Variants in DHX8 observed in about 807,000 individuals in gnomAD.
DHX8 encodes DEAH-box helicase 8, also known as ATP-dependent RNA helicase DHX8.
In DHX8, 67 loss-of-function variants were observed where a neutral mutation model predicts 140.7. That is an observed-to-expected ratio of 0.48 (90% CI 0.39 to 0.58). The LOEUF is 0.58. DHX8 is among the 20% of genes least tolerant of loss of function. The pLI is 0.00. For missense variants in DHX8, 887 were observed against 1,550.7 expected (o/e 0.57, Z 7.19); for synonymous variants, 533 against 553.2 (o/e 0.96, Z 0.51).
chr17:43,541,596 G>C (rs559688552), intron 3 of DHX8, among the ~76,000 whole-genome samples: 1 of 152,154 alleles, frequency 6.6e-6, no homozygotes, highest in Non-Finnish European at 1.5e-5. Flanking sequence ...GAAGAACTGA[G>C]AGGTTAAAAC....
At chr17:43,539,001 AT>A (rs1567713854) in intron 3 of DHX8, among the ~76,000 whole-genome samples, 1 of 152,048 alleles carries the variant, frequency 6.6e-6, no homozygotes, top group African/African-American at 2.4e-5. Context: ...AGGCTCCATC[AT>A]TTCTTACTTG....
intron 1 of DHX8, among the ~76,000 whole-genome samples, chr17:43,485,164 AG>A (rs1389576936): frequency 1.3e-5 from 2 of 152,212 alleles, no homozygotes; most frequent in African/African-American, 4.8e-5. Context: ...GCGAGGACAG[AG>A]AATACAGTTG....
intron 1 of DHX8, among the ~76,000 whole-genome samples, chr17:43,484,682 C>T (rs1312937658): frequency 6.6e-6 from 1 of 152,202 alleles, no homozygotes; most frequent in Non-Finnish European, 1.5e-5. Flanking sequence ...CGCTCTGTTT[C>T]CCGGGCTGGA....
intron 22 of DHX8, among the ~76,000 whole-genome samples, 157 bp downstream of exon 22, chr17:43,522,383 T>A (rs1290947556): frequency 6.6e-6 from 1 of 152,046 alleles, no homozygotes; most frequent in Non-Finnish European, 1.5e-5. Context: ...TTAGGCACAA[T>A]GTATCAAACC....
intron 11 of DHX8, among the ~76,000 whole-genome samples, chr17:43,501,733 C>T (rs552974600): frequency 2.3e-4 from 35 of 152,208 alleles, no homozygotes; most frequent in African/African-American, 8.2e-4. Flanking sequence ...GATCCCCCCC[C>T]CATCTCAGCC....
At chr17:43,499,576 C>A (rs915440611) in intron 10 of DHX8, among the ~76,000 whole-genome samples, 1 of 152,144 alleles carries the variant, frequency 6.6e-6, no homozygotes, top group Non-Finnish European at 1.5e-5. Context: ...TGGATCTGAT[C>A]GCTAGTTCTT....
At chr17:43,508,242 GTTCTGTTAT>G in intron 15 of DHX8, 88 bp from the exon 16 acceptor site, 1 of 1,478,296 alleles carries the variant, frequency 6.8e-7, no homozygotes, top group Non-Finnish European at 9.1e-7. Flanking sequence ...GAATGCATAT[GTTCTGTTAT>G]TTGAAGTTTT....
rs141163347 is a variant in DHX8 at position 43,494,140 on chromosome 17, G to A, written c.1212+254G>A. On this transcript the variant is annotated intron_variant, in intron 8 of 22. Transcript: ENST00000262415. ...GAAAGGCATATCTCACATGGCAGTAGACAAGAGAGCTTGTGCAGGGAAATG... is the reference window on the plus strand; with the variant it reads ...GAAAGGCATATCTCACATGGCAGTAAACAAGAGAGCTTGTGCAGGGAAATG... Among the ~76,000 whole-genome samples the A allele has an allele frequency of 3.5e-3, 533 of 152,304 alleles. 2 individuals carry two copies. Among genetic ancestry groups the A allele is most frequent in the Middle Eastern group, 0.02 (6 of 294 alleles).
downstream of DHX8, chr17:43,528,789 C>T (rs776677055): frequency 1.3e-6 from 2 of 1,533,814 alleles, no homozygotes; most frequent in East Asian, 2.3e-5. Context: ...GCCGCCCAGC[C>T]TTTGTATGGG....
In DHX8 at chr17:43,520,155, C is replaced by G. The variant is rs768188243; in HGVS notation, c.2825C>G (p.Ser942Cys). 1 of 1,614,020 alleles carries G rather than the reference C, an allele frequency of 6.2e-7. No individual in the cohort carries two copies. Among genetic ancestry groups the G allele is most frequent in the Non-Finnish European group, 8.5e-7 (1 of 1,180,016 alleles). The change falls in exon 19 of 23, where the codon TCC (serine) becomes TGC (cysteine). Residue 942 changes from serine (S) to cysteine (C), a missense_variant. Around this residue, in one of 9 missense-constraint regions of DHX8, gnomAD observed 151 missense variants for 388.3 expected, o/e 0.39. Transcript: ENST00000262415. ...GCCATGGGTATCAATGATCTGCTGT[C>G]CTTTGATTTCATGGATGCCCCACCT... is the stretch of plus-strand genomic sequence containing the variant. ...LKAMGINDLLSFDFMDAPPME... is the reference protein window; with the variant it reads ...LKAMGINDLLCFDFMDAPPME...
intron 2 of DHX8, chr17:43,536,294 C>A (rs145578703): frequency 5.7e-5 from 45 of 790,854 alleles, no homozygotes; most frequent in Non-Finnish European, 9.4e-5. Context: ...CCAGTTATTG[C>A]CTTGGTCTTT....
intron 1 of DHX8, among the ~76,000 whole-genome samples, chr17:43,485,363 T>G (rs964529319): frequency 2.0e-5 from 3 of 152,098 alleles, no homozygotes; most frequent in African/African-American, 7.2e-5. Context: ...TCTGAAGCTG[T>G]TTTTCTCATC....
At chr17:43,526,800 A>T, downstream of DHX8, 1 of 996,958 alleles carries the variant, frequency 1.0e-6, no homozygotes, top group Non-Finnish European at 1.4e-6. Context: ...ACCTGTTTTT[A>T]AAATTTTGTT....
At chr17:43,490,525 A>G (rs1191113096) in intron 3 of DHX8, 62 bp downstream of exon 3, 1 of 1,366,504 alleles carries the variant, frequency 7.3e-7, no homozygotes, top group Non-Finnish European at 1.0e-6. Context: ...ACATCCTGTA[A>G]ATTGCATTTG....
At chr17:43,493,379 G>A (rs1968652384) in intron 6 of DHX8, 66 bp from the exon 7 acceptor site, 1 of 1,583,498 alleles carries the variant, frequency 6.3e-7, no homozygotes. Context: ...GTTCCAGTAA[G>A]GGTAGAAATT....
chr17:43,544,190 C>G (rs1971675966), exon 4 of DHX8: 1 of 152,592 alleles, frequency 6.6e-6, no homozygotes, highest in South Asian at 2.1e-4. Context: ...CAGGCCCCAC[C>G]AAAACGCACT....
chr17:43,524,671 G>T lies in DHX8; in HGVS notation c.*824G>T. On this transcript the variant is annotated 3_prime_UTR_variant, in exon 23 of 23. Transcript: ENST00000262415. ...CCACCTCCCACATTCGCAATGTGCAGCATGTCCCATTTCCTTTTGAAACAT... is the reference window on the plus strand; with the variant it reads ...CCACCTCCCACATTCGCAATGTGCATCATGTCCCATTTCCTTTTGAAACAT... 1.0e-6 allele frequency: 1 copy of T among 985,442 alleles called. No individual in the cohort carries two copies. The highest frequency in any genetic ancestry group is 1.2e-6 in the Non-Finnish European group (1 of 829,944). The allele number at this position is 985,442 out of a possible 1,614,324, so 61.0% of individuals were successfully genotyped here.
intron 11 of DHX8, among the ~76,000 whole-genome samples, chr17:43,502,281 G>A (rs141912015): frequency 6.6e-6 from 1 of 152,340 alleles, no homozygotes; most frequent in African/African-American, 2.4e-5. Context: ...GGTTCGGCAT[G>A]ATGGCTCACG....
intron 2 of DHX8, chr17:43,533,158 A>G: frequency 6.2e-7 from 1 of 1,610,086 alleles, no homozygotes. Flanking sequence ...ACCTGGGCCC[A>G]TGAGCAGTGG....
Sources: gnomAD v4.1 joint callset for allele counts (sites outside exome capture counted in the v4.1 genomes callset) on GRCh38, gnomAD v4.1.1 for gene constraint, gnomAD v4.1.1 regional missense constraint, MANE v1.5 for transcripts, NCBI Gene and HGNC (gene_info 2026-07-23, HGNC 2026-07-21) for gene names.